SH3BGRL2: variants seen among roughly 807,000 people sequenced by gnomAD.
SH3BGRL2 encodes SH3 domain binding glutamate rich protein like 2, also known as SH3 domain-binding glutamic acid-rich-like protein 2.
SH3BGRL2 carries 21 observed loss-of-function variants against 14.8 expected under a neutral mutation model. That is an observed-to-expected ratio of 1.42 (90% CI 1.01 to 2.05). The LOEUF is 2.05. SH3BGRL2 is among the 30% of genes most tolerant of loss of function. The pLI, the probability that SH3BGRL2 is intolerant of heterozygous loss-of-function variation, is 0.00. For synonymous variants in SH3BGRL2, 50 were observed against 47.8 expected (o/e 1.05, Z -0.19); for missense variants, 147 against 130.8 (o/e 1.12, Z -0.61).
chr6:79,626,920 C>T (rs1768743577), upstream of SH3BGRL2, among the ~76,000 whole-genome samples: 1 of 152,202 alleles, frequency 6.6e-6, no homozygotes, highest in East Asian at 1.9e-4. Flanking sequence ...AAAATAGACG[C>T]ACTTAAACTA....
chr6:79,563,358 C>T, the SH3BGRL2 span, among the ~76,000 whole-genome samples: 2 of 151,972 alleles, frequency 1.3e-5, no homozygotes, highest in East Asian at 1.9e-4. Context: ...TTAACCCCCC[C>T]GCCTCGGCCT....
chr6:79,614,322 C>T, the SH3BGRL2 span, among the ~76,000 whole-genome samples: 26,485 of 152,038 alleles, frequency 0.17, 2,416 homozygotes, highest in South Asian at 0.22. Context: ...TGTCCAAGAA[C>T]CAAACCCATG....
chr6:79,596,670 T>G, the SH3BGRL2 span, among the ~76,000 whole-genome samples: 1 of 152,194 alleles, frequency 6.6e-6, no homozygotes, highest in Non-Finnish European at 1.5e-5. Flanking sequence ...AATGGAAGAC[T>G]TAATATTGTA....
the SH3BGRL2 span, among the ~76,000 whole-genome samples, chr6:79,617,189 A>G: frequency 1.3e-5 from 1 of 76,586 alleles, no homozygotes; most frequent in Non-Finnish European, 2.9e-5. Flanking sequence ...CCGTCTCAAA[A>G]CAAAAAAAAG....
At chr6:79,676,469 C>G (rs1333770584) in intron 2 of SH3BGRL2, among the ~76,000 whole-genome samples, 1 of 152,062 alleles carries the variant, frequency 6.6e-6, no homozygotes, top group East Asian at 1.9e-4. Context: ...TTGCTTCTTG[C>G]TGATAGTGCT....
At chr6:79,610,079 A>G in the SH3BGRL2 span, among the ~76,000 whole-genome samples, 1 of 152,218 alleles carries the variant, frequency 6.6e-6, no homozygotes, top group African/African-American at 2.4e-5. Context: ...GCTCCTTCAA[A>G]TATTGCAAGA....
At chr6:79,567,726 A>T in the SH3BGRL2 span, among the ~76,000 whole-genome samples, 3,543 of 152,374 alleles carry the variant, frequency 0.023, 133 homozygotes, top group African/African-American at 0.08. Context: ...CAGAATCTGC[A>T]AAGTAAAAGA....
At chr6:79,559,191 C>T in the SH3BGRL2 span, among the ~76,000 whole-genome samples, 1 of 152,118 alleles carries the variant, frequency 6.6e-6, no homozygotes, top group Non-Finnish European at 1.5e-5. Flanking sequence ...AGACCAGGTA[C>T]AATGTCTCAC....
At chr6:79,620,099 G>GT in the SH3BGRL2 span, among the ~76,000 whole-genome samples, 12 of 151,570 alleles carry the variant, frequency 7.9e-5, no homozygotes, top group Non-Finnish European at 1.6e-4. Context: ...AGTTGTTGTT[G>GT]TTTTTTTTCT....
At chr6:79,571,257 T>G in the SH3BGRL2 span, among the ~76,000 whole-genome samples, 1 of 152,178 alleles carries the variant, frequency 6.6e-6, no homozygotes, top group Non-Finnish European at 1.5e-5. Context: ...GTCTCTCCTT[T>G]CTCCTTATAA....
At chr6:79,543,517 T>C in the SH3BGRL2 span, among the ~76,000 whole-genome samples, 4 of 152,200 alleles carry the variant, frequency 2.6e-5, no homozygotes, top group Non-Finnish European at 4.4e-5. Context: ...CTCTGCCTCT[T>C]ACTAGTTGTG....
chr6:79,555,091 T>C, the SH3BGRL2 span, among the ~76,000 whole-genome samples: 1 of 152,166 alleles, frequency 6.6e-6, no homozygotes, highest in Non-Finnish European at 1.5e-5. Context: ...TTAAAGGTGC[T>C]AAGTCATCCC....
chr6:79,562,782 C>T, the SH3BGRL2 span, among the ~76,000 whole-genome samples: 2 of 152,054 alleles, frequency 1.3e-5, no homozygotes, highest in Non-Finnish European at 2.9e-5. Context: ...CTAACAATAG[C>T]TGATAAGTTT....
intron 2 of SH3BGRL2, among the ~76,000 whole-genome samples, chr6:79,690,766 C>T (rs1770197072): frequency 6.6e-6 from 1 of 152,098 alleles, no homozygotes; most frequent in Non-Finnish European, 1.5e-5. Flanking sequence ...TATAACACCC[C>T]CTTGACTGGG....
At chr6:79,540,583 T>C in the SH3BGRL2 span, among the ~76,000 whole-genome samples, 4 of 152,182 alleles carry the variant, frequency 2.6e-5, no homozygotes, top group African/African-American at 4.8e-5. Context: ...CTTTGATTAT[T>C]GCTCTGTTTA....
intron 1 of SH3BGRL2, among the ~76,000 whole-genome samples, chr6:79,634,475 G>A (rs570141516): frequency 6.6e-6 from 1 of 152,312 alleles, no homozygotes; most frequent in Admixed American, 6.5e-5. Context: ...TATTCTGGAT[G>A]TATTCCTGAA....
chr6:79,609,284 A>G, the SH3BGRL2 span, among the ~76,000 whole-genome samples: 3 of 152,194 alleles, frequency 2.0e-5, no homozygotes, highest in Non-Finnish European at 4.4e-5. Context: ...ATGTATGTAA[A>G]GGGAAGGAAG....
At chr6:79,636,205 G>C (rs1032860191) in intron 1 of SH3BGRL2, among the ~76,000 whole-genome samples, 1 of 152,170 alleles carries the variant, frequency 6.6e-6, no homozygotes, top group East Asian at 1.9e-4. Flanking sequence ...TACTCAGGTG[G>C]GGGGACCTTT....
chr6:79,677,019 A>C (rs1383359087), intron 2 of SH3BGRL2, among the ~76,000 whole-genome samples: 1 of 152,148 alleles, frequency 6.6e-6, no homozygotes, highest in Admixed American at 6.5e-5. Flanking sequence ...TGGCGTATGC[A>C]CTGTAATCAT....
Sources: gnomAD v4.1 joint callset for allele counts (sites outside exome capture counted in the v4.1 genomes callset) on GRCh38, gnomAD v4.1.1 for gene constraint, MANE v1.5 for transcripts, NCBI Gene and HGNC (gene_info 2026-07-23, HGNC 2026-07-21) for gene names.